CNOT2: variants seen among roughly 807,000 people sequenced by gnomAD.
CNOT2 encodes the protein CCR4-NOT transcription complex subunit 2, also known as CC chemokine receptor 4-negative regulator of transcription 2.
In CNOT2, 7 loss-of-function variants were observed where a neutral mutation model predicts 72.1. The observed-to-expected ratio is 0.10, with a 90% CI of 0.06 to 0.18. The LOEUF (loss-of-function observed/expected upper bound fraction) is 0.18. Among genes scored for constraint, CNOT2 ranks in the 10% least tolerant of loss-of-function variants. The pLI, the probability that CNOT2 is intolerant of heterozygous loss-of-function variation, is 1.00. For synonymous variants in CNOT2, 196 were observed against 225.6 expected (o/e 0.87, Z 1.17); for missense variants, 345 against 660.3 (o/e 0.52, Z 5.23).
chr12:70,307,970 CAA>C (rs1464946947), intron 2 of CNOT2: 1 of 151,756 alleles, frequency 6.6e-6, no homozygotes, highest in Non-Finnish European at 1.5e-5. Context: ...TCCCGTCTAA[CAA>C]AGAATAAAAT....
chr12:70,284,576 C>CTTTTTT (rs34386691), intron 2 of CNOT2, among the ~76,000 whole-genome samples: 1 of 94,986 alleles, frequency 1.1e-5, no homozygotes, highest in Non-Finnish European at 2.1e-5. Context: ...AAAATTTGAC[C>CTTTTTT]TTTTTTTTTT....
At chr12:70,259,615 T>C (rs1021129742) in intron 1 of CNOT2, among the ~76,000 whole-genome samples, 2 of 152,174 alleles carry the variant, frequency 1.3e-5, no homozygotes, top group African/African-American at 2.4e-5. Context: ...AGGTACTGCA[T>C]TGTTTTGTGC....
chr12:70,259,279 T>C (rs111418957), intron 1 of CNOT2, among the ~76,000 whole-genome samples: 3 of 151,888 alleles, frequency 2.0e-5, no homozygotes, highest in Admixed American at 6.5e-5. Flanking sequence ...GCTTAGTTTT[T>C]AGTGTTGATC....
intron 15 of CNOT2, among the ~76,000 whole-genome samples, chr12:70,351,768 A>G (rs925583691): frequency 6.6e-6 from 1 of 152,194 alleles, no homozygotes; most frequent in East Asian, 1.9e-4. Context: ...AATGATAACA[A>G]ATTTTCTTCA....
At chr12:70,255,379 G>C (rs1393386024) in intron 1 of CNOT2, among the ~76,000 whole-genome samples, 2 of 152,072 alleles carry the variant, frequency 1.3e-5, no homozygotes, top group Admixed American at 1.3e-4. Context: ...TGAAACTCTT[G>C]TGTATTCTTG....
intron 1 of CNOT2, among the ~76,000 whole-genome samples, chr12:70,275,020 T>C (rs898662581): frequency 1.3e-5 from 2 of 152,084 alleles, no homozygotes; most frequent in African/African-American, 4.8e-5. Flanking sequence ...TAAATAACTT[T>C]GGGGCATAGT....
rs557378471 is a variant in CNOT2 at position 70,317,251 on chromosome 12, C to T, written c.172-2047C>T. Among the ~76,000 whole-genome samples the T allele has an allele frequency of 6.8e-4, 104 of 152,048 alleles. 1 individual carries two copies. The highest frequency in any genetic ancestry group is 1.6e-3 in the Admixed American group (24 of 15,242). ...AAACTTACTAAAAAGGATAAAACTT[C>T]CTTTTTTATTTTTTAATTTTACTTT... On this transcript the variant is annotated intron_variant, in intron 3 of 15. Coordinates refer to ENST00000229195, the MANE Select transcript of CNOT2 (RefSeq NM_014515.7).
chr12:70,342,385 C>G, intron 13 of CNOT2, 78 bp downstream of exon 13: 1 of 1,522,776 alleles, frequency 6.6e-7, no homozygotes, highest in Non-Finnish European at 9.0e-7. Context: ...AGGCAGCATA[C>G]TATTTTTGAA....
intron 4 of CNOT2, among the ~76,000 whole-genome samples, chr12:70,328,810 C>T (rs1045090821): frequency 1.3e-5 from 2 of 150,644 alleles, no homozygotes; most frequent in Admixed American, 6.6e-5. Flanking sequence ...ATTTTGACGT[C>T]TTTTTAAATG....
Position 70,315,669 on chromosome 12 carries a change from T to C in CNOT2, c.172-3629T>C, listed in dbSNP as rs143181514. On this transcript the variant is annotated intron_variant, in intron 3 of 15. Coordinates refer to ENST00000229195, the MANE Select transcript of CNOT2 (RefSeq NM_014515.7). ...TCACATTACTGTTTCTTCTAGTTGC[T>C]TCCTGGTTTTTATTGTTGTTGTTTG... is the stretch of plus-strand genomic sequence containing the variant. Among the ~76,000 whole-genome samples, 13 of 152,296 alleles carry C rather than the reference T, an allele frequency of 8.5e-5. No homozygotes were observed. The East Asian group carries it at 2.3e-3, about 27-fold the overall frequency.
rs186292657 is a variant in CNOT2, at chr12:70,330,590, A to G, written c.569+121A>G. The G allele has an allele frequency of 5.3e-4, 285 of 539,694 alleles. 2 individuals carry two copies. Among genetic ancestry groups the G allele is most frequent in the African/African-American group, 4.8e-3 (245 of 51,148 alleles). The allele number at this position is 539,694 out of a possible 1,614,324, so 33.4% of individuals were successfully genotyped here. A position where few individuals can be genotyped will look rare whatever the true frequency, so the allele number is the denominator to read the frequency against. ...CTCTAATAAGTGTGTTTCATCATGC[A>G]TTTATGTCCAAAGATTCTGTTACCC... On this transcript the variant is annotated intron_variant, in intron 6 of 15. Coordinates refer to ENST00000229195, the MANE Select transcript of CNOT2 (RefSeq NM_014515.7).
At chr12:70,337,016 T>C (rs1282001080) in intron 8 of CNOT2, 1 of 160,800 alleles carries the variant, frequency 6.2e-6, no homozygotes. Context: ...TTCTTTTAAA[T>C]TTTATTTTGT....
intron 15 of CNOT2, among the ~76,000 whole-genome samples, chr12:70,350,288 G>GAA (rs1430736691): frequency 6.6e-6 from 1 of 152,030 alleles, no homozygotes; most frequent in African/African-American, 2.4e-5. Context: ...TGACCTCGTG[G>GAA]ATCTATCAGG....
intron 13 of CNOT2, among the ~76,000 whole-genome samples, chr12:70,342,942 T>C (rs1275942465): frequency 6.6e-6 from 1 of 152,198 alleles, no homozygotes; most frequent in Non-Finnish European, 1.5e-5. Context: ...AATATCTATG[T>C]GTATGTGTAT....
chr12:70,292,184 A>G (rs1872033706), intron 2 of CNOT2, among the ~76,000 whole-genome samples: 1 of 152,214 alleles, frequency 6.6e-6, no homozygotes. Context: ...GAATATATGC[A>G]TCACATATGA....
chr12:70,266,099 G>GTATTAT (rs373889047), intron 1 of CNOT2, among the ~76,000 whole-genome samples: 19 of 149,354 alleles, frequency 1.3e-4, no homozygotes, highest in African/African-American at 4.2e-4. Context: ...CGTTGATGTT[G>GTATTAT]TATTATTATT....
At chr12:70,353,744 T>C in intron 15 of CNOT2, 85 bp from the exon 16 acceptor site, 1 of 1,548,794 alleles carries the variant, frequency 6.5e-7, no homozygotes, top group Non-Finnish European at 8.7e-7. Flanking sequence ...ATTGGGTATT[T>C]TATTTATTTT....
intron 3 of CNOT2, among the ~76,000 whole-genome samples, chr12:70,315,236 A>G (rs2135969965): frequency 6.6e-6 from 1 of 151,950 alleles, no homozygotes; most frequent in African/African-American, 2.4e-5. Flanking sequence ...CATTAGTTTC[A>G]TGTTTTAAGT....
chr12:70,249,490 TC>T (rs1313587495), intron 1 of CNOT2, among the ~76,000 whole-genome samples: 1 of 151,966 alleles, frequency 6.6e-6, no homozygotes, highest in South Asian at 2.1e-4. Flanking sequence ...GCCGTTTTCA[TC>T]TTCAGACTGG....
Sources: allele counts gnomAD v4.1 joint callset (sites outside exome capture counted in the v4.1 genomes callset), GRCh38; gene constraint gnomAD v4.1.1; transcripts MANE v1.5; gene names NCBI Gene and HGNC (gene_info 2026-07-23, HGNC 2026-07-21).